Variants in CDK14 observed in about 807,000 individuals in gnomAD.
CDK14 encodes the protein cyclin-dependent kinase 14.
A neutral mutation model predicts 60.7 loss-of-function variants in CDK14; 34 were observed. That is an observed-to-expected ratio of 0.56 (90% confidence interval 0.43 to 0.75). The LOEUF (loss-of-function observed/expected upper bound fraction) is 0.75. Among genes scored for constraint, CDK14 ranks in the 30% least tolerant of loss-of-function variants. The pLI is 0.00. For missense variants in CDK14, 482 were observed against 564.1 expected, an observed-to-expected ratio of 0.85 and a Z score of 1.47; for synonymous variants, 197 against 203.7, an observed-to-expected ratio of 0.97 and a Z score of 0.28.
At chr7:90,909,202 A>G (rs760202116) in intron 7 of CDK14, among the ~76,000 whole-genome samples, 2 of 152,186 alleles carry the variant, frequency 1.3e-5, no homozygotes, top group Non-Finnish European at 2.9e-5. Flanking sequence ...AAAAGCACTT[A>G]TCAGTCAGGT....
intron 14 of CDK14, among the ~76,000 whole-genome samples, chr7:91,161,535 T>C (rs1377339993): frequency 6.6e-6 from 1 of 152,192 alleles, no homozygotes; most frequent in African/African-American, 2.4e-5. Context: ...GCACAAGTTG[T>C]TTTCATGATA....
intron 8 of CDK14, among the ~76,000 whole-genome samples, chr7:90,941,057 G>T (rs542186885): frequency 6.6e-6 from 1 of 152,160 alleles, no homozygotes. Flanking sequence ...TCATGTGATG[G>T]TTATGCTTCA....
chr7:90,641,565 A>T (rs568365166), intron 2 of CDK14, among the ~76,000 whole-genome samples: 1 of 152,176 alleles, frequency 6.6e-6, no homozygotes. Flanking sequence ...GAAATGTCCA[A>T]AATAGGTAAA....
Position 90,721,639 on chromosome 7 carries a change from T to C in CDK14, c.124-4928T>C, listed in dbSNP as rs563904034. Among the ~76,000 whole-genome samples the C allele has an allele frequency of 4.6e-5, 7 of 152,270 alleles. No individual in the cohort carries two copies. The East Asian group carries it at 1.4e-3, about 29-fold the overall frequency. The stretch of plus-strand genomic sequence containing the variant: ...GAATCTATTACTTTCCAAAGATTTC[T>C]TCCTTTCCTTACTGGAGAACTGGAA... On this transcript the variant is annotated intron_variant, in intron 2 of 14. Coordinates refer to ENST00000380050, the MANE Select transcript of CDK14 (RefSeq NM_001287135.2).
intron 2 of CDK14, among the ~76,000 whole-genome samples, chr7:90,658,721 T>C (rs894974169): frequency 2.6e-5 from 4 of 152,234 alleles, no homozygotes; most frequent in African/African-American, 7.2e-5. Context: ...TGGGTTGTTA[T>C]CATTTTTTTG....
chr7:90,923,942 T>C (rs1310851808), intron 8 of CDK14, among the ~76,000 whole-genome samples: 1 of 152,244 alleles, frequency 6.6e-6, no homozygotes, highest in Non-Finnish European at 1.5e-5. Context: ...TAATAGGTGT[T>C]GTTAACAGTA....
intron 14 of CDK14, among the ~76,000 whole-genome samples, chr7:91,165,435 G>A (rs193205604): frequency 1.6e-3 from 238 of 152,224 alleles, no homozygotes; most frequent in African/African-American, 5.4e-3. Context: ...CTGTGGCCTT[G>A]AGCATGCCAT....
chr7:90,909,947 A>T (rs1451556628), intron 7 of CDK14, among the ~76,000 whole-genome samples: 1 of 152,216 alleles, frequency 6.6e-6, no homozygotes, highest in Non-Finnish European at 1.5e-5. Flanking sequence ...CAAACAGGGC[A>T]AAACAGTGGC....
chr7:90,608,894 A>T (rs1304975878), intron 2 of CDK14, among the ~76,000 whole-genome samples: 1 of 152,228 alleles, frequency 6.6e-6, no homozygotes, highest in Non-Finnish European at 1.5e-5. Flanking sequence ...TTATAGGTTA[A>T]CTTGCTTACT....
Position 90,919,915 on chromosome 7 carries a change from G to T in CDK14, c.826+2191G>T, listed in dbSNP as rs537343286. 2.0e-4 allele frequency among the ~76,000 whole-genome samples: 31 copies of T among 152,350 alleles called. 1 individual carries two copies. The South Asian group carries it at 6.4e-3, about 32-fold the overall frequency. The stretch of plus-strand genomic sequence containing the variant: ...AGCATTTGGTTCTTATGACCAGACT[G>T]CTGTGCAGAAGGATCGTGCCCATGC... On this transcript the variant is annotated intron_variant, in intron 8 of 14. Transcript: ENST00000380050.
chr7:91,130,647 T>C (rs571981979), intron 14 of CDK14, among the ~76,000 whole-genome samples: 1 of 152,164 alleles, frequency 6.6e-6, no homozygotes, highest in Non-Finnish European at 1.5e-5. Flanking sequence ...ATTTTTCTAG[T>C]GTACAATAGA....
At chr7:91,130,218 C>T (rs1800075151) in intron 14 of CDK14, among the ~76,000 whole-genome samples, 1 of 152,152 alleles carries the variant, frequency 6.6e-6, no homozygotes, top group South Asian at 2.1e-4. Context: ...ACCCAACTCT[C>T]TTCTATCCAG....
chr7:91,138,367 A>G (rs1308814396), intron 14 of CDK14, among the ~76,000 whole-genome samples: 2 of 152,154 alleles, frequency 1.3e-5, no homozygotes, highest in Non-Finnish European at 2.9e-5. Context: ...TAAAAGGTGT[A>G]TTTCTTAGAG....
chr7:91,175,246 C>T (rs1255801278), intron 14 of CDK14, among the ~76,000 whole-genome samples: 2 of 152,128 alleles, frequency 1.3e-5, no homozygotes, highest in Non-Finnish European at 2.9e-5. Context: ...AGTTTACAGA[C>T]AAGCAAATGC....
intron 2 of CDK14, among the ~76,000 whole-genome samples, chr7:90,671,659 G>A (rs1364640582): frequency 6.6e-6 from 1 of 152,006 alleles, no homozygotes; most frequent in Non-Finnish European, 1.5e-5. Context: ...TGGCATTGTG[G>A]GAGAAAGGGT....
chr7:90,847,633 G>C (rs1377151766), intron 5 of CDK14, among the ~76,000 whole-genome samples: 1 of 151,940 alleles, frequency 6.6e-6, no homozygotes, highest in African/African-American at 2.4e-5. Flanking sequence ...TACAATATTG[G>C]TAGTTAGAGA....
In CDK14 at chr7:90,899,432, TA is replaced by T. The variant is rs962016644; in HGVS notation, c.702+81del. ...GAACTGAAGTCTAGCATCTCTACCA[TA>T]ACATATTTAAATTTTTTAAATTTTT... On this transcript the variant is annotated intron_variant, in intron 7 of 14. Coordinates refer to ENST00000380050, the MANE Select transcript of CDK14 (RefSeq NM_001287135.2). The T allele has an allele frequency of 9.4e-6, 10 of 1,067,854 alleles. No individual in the cohort carries two copies. The African/African-American group carries it at 1.5e-4, about 16-fold the overall frequency. 66.1% of individuals were successfully genotyped at this position (1,067,854 alleles called of 1,614,324 possible). A position where few individuals can be genotyped will look rare whatever the true frequency, so the allele number is the denominator to read the frequency against.
intron 2 of CDK14, among the ~76,000 whole-genome samples, chr7:90,662,408 C>T (rs1464586352): frequency 6.6e-6 from 1 of 152,204 alleles, no homozygotes; most frequent in Non-Finnish European, 1.5e-5. Flanking sequence ...GAGGAAAGTG[C>T]CCTTGGCAAA....
intron 10 of CDK14, among the ~76,000 whole-genome samples, chr7:91,001,160 AAT>A (rs1376098246): frequency 6.6e-6 from 1 of 152,146 alleles, no homozygotes; most frequent in Non-Finnish European, 1.5e-5. Flanking sequence ...TTTATGAAAA[AAT>A]GTTATCCCAA....
Sources: gnomAD v4.1 joint callset for allele counts (sites outside exome capture counted in the v4.1 genomes callset) on GRCh38, gnomAD v4.1.1 for gene constraint, MANE v1.5 for transcripts, NCBI Gene and HGNC (gene_info 2026-07-23, HGNC 2026-07-21) for gene names.